PCDH11X: variants seen among roughly 807,000 people sequenced by gnomAD.
PCDH11X encodes the protein protocadherin-11 X-linked.
Under a neutral mutation model 53.3 loss-of-function variants are expected in PCDH11X, and 18 were observed. The ratio of observed to expected loss-of-function variants is 0.34; its 90% confidence interval spans 0.23 to 0.50. The LOEUF is 0.50. PCDH11X is among the 20% of genes least tolerant of loss of function. PCDH11X has a pLI of 0.98. For synonymous variants in PCDH11X, 279 were observed against 393.3 expected (o/e 0.71, Z 3.44); for missense variants, 570 against 1,032.4 (o/e 0.55, Z 6.14).
intron 6 of PCDH11X, among the ~76,000 whole-genome samples, chrX:92,004,121 T>C (rs2062557097): frequency 9.0e-6 from 1 of 111,591 alleles, no homozygotes; most frequent in African/African-American, 3.3e-5. Flanking sequence ...TTGAATTCAT[T>C]CTTAATTTCG....
chrX:92,237,162 T>G (rs912044347), intron 7 of PCDH11X, among the ~76,000 whole-genome samples: 1 of 111,441 alleles, frequency 9.0e-6, no homozygotes, highest in South Asian at 3.7e-4. Context: ...GTGGTTTTTT[T>G]AAAGTATATT....
chrX:91,779,433 C>G lies in PCDH11X; in HGVS notation c.-630C>G, dbSNP rs1476081812. On this transcript the variant is annotated 5_prime_UTR_variant, in exon 1 of 11. Coordinates refer to ENST00000682573, the MANE Select transcript of PCDH11X (RefSeq NM_032968.5). Reference sequence around the variant, plus strand: ...TGAGCAGTAGCTGCACTCAGCTGCCCGCGCGGCAAAGAGGAAGGCAAGCCA... The same window carrying G: ...TGAGCAGTAGCTGCACTCAGCTGCCGGCGCGGCAAAGAGGAAGGCAAGCCA... 9.3e-6 allele frequency: 1 copy of G among 107,343 alleles called. No individual in the cohort carries two copies. The highest frequency in any genetic ancestry group is 3.4e-5 in the African/African-American group (1 of 29,469). The allele number at this position is 107,343 out of a possible 1,213,427, so 8.8% of individuals were successfully genotyped here. A position where few individuals can be genotyped will look rare whatever the true frequency, so the allele number is the denominator to read the frequency against.
At chrX:92,063,364 A>C (rs1357898924) in intron 6 of PCDH11X, among the ~76,000 whole-genome samples, 1 of 111,206 alleles carries the variant, frequency 9.0e-6, no homozygotes. Flanking sequence ...TGCATTCAAA[A>C]TTTTTAAAAA....
chrX:91,958,527 C>A (rs113526160), intron 6 of PCDH11X, among the ~76,000 whole-genome samples: 2 of 110,572 alleles, frequency 1.8e-5, no homozygotes, highest in South Asian at 7.7e-4. Flanking sequence ...GAGAGAAGTG[C>A]GGTTTTTCAG....
At chrX:92,328,220 A>G (rs1183481957) in intron 8 of PCDH11X, among the ~76,000 whole-genome samples, 2 of 111,188 alleles carry the variant, frequency 1.8e-5, no homozygotes, top group East Asian at 5.7e-4. Flanking sequence ...GAGGGAACCC[A>G]AATAGGGCAT....
At chrX:92,197,923 G>A (rs2066318136) in intron 6 of PCDH11X, among the ~76,000 whole-genome samples, 2 of 111,950 alleles carry the variant, frequency 1.8e-5, no homozygotes, top group South Asian at 7.3e-4. Flanking sequence ...ATTGCTGAAT[G>A]CACCAGTGCA....
chrX:92,346,649 G>A (rs2069904003), intron 8 of PCDH11X, among the ~76,000 whole-genome samples: 1 of 111,917 alleles, frequency 8.9e-6, no homozygotes, highest in Non-Finnish European at 1.9e-5. Flanking sequence ...CATGCATCTT[G>A]ACTTTTTACC....
Position 92,618,488 on chromosome X carries a change from A to T in PCDH11X, c.3592A>T (p.Ser1198Cys). 1 of 1,211,536 alleles carries T rather than the reference A, an allele frequency of 8.3e-7. No individual in the cohort carries two copies. The highest frequency in any genetic ancestry group is 1.8e-5 in the South Asian group (1 of 56,939). Reference protein sequence around the residue: ...RVTQTIALCHSPPVTQTIALC... With the variant: ...RVTQTIALCHCPPVTQTIALC... ...GACACAGACCATTGCTCTCTGCCAC[A>T]GCCCTCCAGTGACACAGACCATCGC... The change falls in exon 11 of 11, where the codon AGC becomes TGC. Residue 1198 changes from serine (S) to cysteine (C), a missense_variant. Ser to Cys is a moderately radical substitution (Grantham distance 112). This residue lies in a region of PCDH11X where 234 missense variants were observed against 296.1 expected (regional missense o/e 0.79). Coordinates refer to ENST00000682573, the MANE Select transcript of PCDH11X (RefSeq NM_032968.5).
rs191850670 is a variant in PCDH11X, at chrX:92,451,334, A to T, written c.3344-16965A>T. Among the ~76,000 whole-genome samples, 368 of 110,267 alleles carry T rather than the reference A, an allele frequency of 3.3e-3. 1 individual carries two copies. The highest frequency in any genetic ancestry group is 0.012 in the African/African-American group (350 of 30,413). ...ATCCATCATATAACATATAAATCTT[A>T]TGTATGTTTTACCAAAATTAAAAAG... On this transcript the variant is annotated intron_variant, in intron 9 of 10. Transcript: ENST00000682573.
chrX:92,447,292 T>C (rs904191691), intron 9 of PCDH11X, among the ~76,000 whole-genome samples: 2 of 111,552 alleles, frequency 1.8e-5, no homozygotes, highest in Non-Finnish European at 3.8e-5. Flanking sequence ...CCAGGGCATG[T>C]GAGAGGTCTT....
At chrX:92,043,202 A>G (rs2063236644) in intron 6 of PCDH11X, among the ~76,000 whole-genome samples, 1 of 107,676 alleles carries the variant, frequency 9.3e-6, no homozygotes, top group African/African-American at 3.4e-5. Flanking sequence ...ACTTAATAAT[A>G]CAAATAATTT....
rs1602413254 is a variant in PCDH11X, at chrX:91,878,511, A to G, written c.2271A>G (p.Gly757=). 1.7e-6 allele frequency: 2 copies of G among 1,210,808 alleles called. No individual in the cohort carries two copies. The highest frequency in any genetic ancestry group is 2.2e-5 in the Admixed American group (1 of 45,861). ...HRVLVKANDL[G]QPDSLFSVVI... ...TGTTGGTCAAAGCTAATGACTTAGG[A>G]CAGCCTGATTCTCTCTTCAGTGTTG... The change falls in exon 6 of 11, where the codon GGA becomes GGG. Residue 757 remains glycine, a synonymous_variant. Transcript: ENST00000682573.
intron 8 of PCDH11X, among the ~76,000 whole-genome samples, chrX:92,322,567 C>T (rs188768559): frequency 1.8e-3 from 202 of 111,363 alleles, no homozygotes; most frequent in Non-Finnish European, 2.3e-3. Flanking sequence ...TGTTTCTACT[C>T]ATCTCAGTAC....
chrX:92,057,606 G>T (rs967121145), intron 6 of PCDH11X, among the ~76,000 whole-genome samples: 2 of 108,433 alleles, frequency 1.8e-5, no homozygotes, highest in African/African-American at 6.8e-5. Flanking sequence ...GATCATTAAT[G>T]GTGCTTAATT....
At chrX:92,481,526 G>A (rs896911377) in intron 10 of PCDH11X, among the ~76,000 whole-genome samples, 31 of 109,423 alleles carry the variant, frequency 2.8e-4, no homozygotes, top group Non-Finnish European at 4.6e-4. Context: ...TATGATGTGG[G>A]TCCCCAGGGC....
chrX:92,112,799 T>C (rs1417509244), intron 6 of PCDH11X, among the ~76,000 whole-genome samples: 1 of 108,896 alleles, frequency 9.2e-6, no homozygotes, highest in Non-Finnish European at 1.9e-5. Context: ...CTAAAGTTGA[T>C]CATTTGAAGC....
At chrX:92,329,294 T>C (rs2069408169) in intron 8 of PCDH11X, among the ~76,000 whole-genome samples, 1 of 111,271 alleles carries the variant, frequency 9.0e-6, no homozygotes. Context: ...TGCAACATAA[T>C]AAAGCATATC....
chrX:92,123,825 T>A (rs764085616), intron 6 of PCDH11X, among the ~76,000 whole-genome samples: 1 of 106,345 alleles, frequency 9.4e-6, no homozygotes, highest in East Asian at 3.2e-4. Flanking sequence ...AATAATGTCT[T>A]CCCAATCCAT....
rs2062263741 is a variant in PCDH11X, at chrX:91,988,548, AAT to A, written c.3033+109278_3033+109279del. 2.7e-5 allele frequency among the ~76,000 whole-genome samples: 3 copies of A among 112,987 alleles called. No homozygotes were observed. The Admixed American group carries it at 2.8e-4, about 11-fold the overall frequency. ...TAATTACATTACCTATGATAATTATAATATGTGTCACCTGGACCTGTATTTGT... is the reference window on the plus strand; with the variant it reads ...TAATTACATTACCTATGATAATTATAATGTGTCACCTGGACCTGTATTTGT... On this transcript the variant is annotated intron_variant, in intron 6 of 10. Transcript: ENST00000682573.
Sources: allele counts gnomAD v4.1 joint callset (sites outside exome capture counted in the v4.1 genomes callset), GRCh38; gene constraint gnomAD v4.1.1; regional missense constraint gnomAD v4.1.1; transcripts MANE v1.5; gene names NCBI Gene and HGNC (gene_info 2026-07-23, HGNC 2026-07-21).